HACD3: variants seen among roughly 807,000 people sequenced by gnomAD.
The protein encoded by HACD3 is very-long-chain (3R)-3-hydroxyacyl-CoA dehydratase 3.
A neutral mutation model predicts 55.2 loss-of-function variants in HACD3; 30 were observed. The ratio of observed to expected loss-of-function variants is 0.54; its 90% confidence interval spans 0.41 to 0.74. The LOEUF (loss-of-function observed/expected upper bound fraction) is 0.74, where lower values mean the gene tolerates loss of function less well. Ranked by LOEUF, HACD3 falls within the 30% of genes least tolerant of loss-of-function variation. The pLI, the probability that HACD3 is intolerant of heterozygous loss-of-function variation, is 0.00. For missense variants in HACD3, 363 were observed against 440.1 expected, an observed-to-expected ratio of 0.82 and a Z score of 1.57; for synonymous variants, 141 against 151.7, an observed-to-expected ratio of 0.93 and a Z score of 0.52.
At chr15:65,551,241 T>A (rs2072129332) in intron 1 of HACD3, 1 of 162,000 alleles carries the variant, frequency 6.2e-6, no homozygotes, top group Non-Finnish European at 1.3e-5. Flanking sequence ...TTACCACCCT[T>A]TTCGTCTTGA....
intron 2 of HACD3, chr15:65,553,288 A>T (rs957348480): frequency 2.6e-5 from 4 of 151,790 alleles, no homozygotes; most frequent in Admixed American, 2.0e-4. Context: ...TGGCTCCCTG[A>T]TACTAGATTA....
intron 8 of HACD3, among the ~76,000 whole-genome samples, 158 bp downstream of exon 8, chr15:65,570,361 G>A (rs529512442): frequency 6.6e-6 from 1 of 152,338 alleles, no homozygotes; most frequent in African/African-American, 2.4e-5. Flanking sequence ...CTGCAAAGTT[G>A]AGACAGATTT....
chr15:65,569,459 C>T (rs1206303354), intron 7 of HACD3, among the ~76,000 whole-genome samples: 1 of 152,052 alleles, frequency 6.6e-6, no homozygotes, highest in African/African-American at 2.4e-5. Flanking sequence ...CCTATAATCC[C>T]AGCACTCTGG....
intron 1 of HACD3, among the ~76,000 whole-genome samples, chr15:65,547,244 G>A (rs1256030878): frequency 6.6e-6 from 1 of 152,086 alleles, no homozygotes; most frequent in East Asian, 1.9e-4. Flanking sequence ...AGCCTCTTGA[G>A]TAGCTGGGAT....
chr15:65,577,442 C>T lies in HACD3; in HGVS notation c.*1063C>T, dbSNP rs2072415940. 6.6e-6 allele frequency: 1 copy of T among 150,706 alleles called. No homozygotes were observed. 9.3% of individuals were successfully genotyped at this position (150,706 alleles called of 1,614,324 possible). A position where few individuals can be genotyped will look rare whatever the true frequency, so the allele number is the denominator to read the frequency against. On this transcript the variant is annotated 3_prime_UTR_variant, in exon 11 of 11. Coordinates refer to ENST00000261875, the MANE Select transcript of HACD3 (RefSeq NM_016395.4). Reference sequence around the variant, plus strand: ...CTGTCTCAAACCAAACCAAACCACACACACACAAACACACATACACACACA... The same window carrying T: ...CTGTCTCAAACCAAACCAAACCACATACACACAAACACACATACACACACA...
chr15:65,549,338 A>G (rs1391135268), intron 1 of HACD3, among the ~76,000 whole-genome samples: 1 of 150,998 alleles, frequency 6.6e-6, no homozygotes, highest in African/African-American at 2.4e-5. Context: ...CTGTAGTCCC[A>G]GCACTTTGGG....
intron 2 of HACD3, chr15:65,551,930 T>G: frequency 4.1e-6 from 2 of 489,724 alleles, no homozygotes; most frequent in South Asian, 3.4e-5. Flanking sequence ...GGAGAGGCAG[T>G]AGATACAGTG....
intron 2 of HACD3, among the ~76,000 whole-genome samples, chr15:65,552,596 G>A (rs1248969638): frequency 1.3e-5 from 2 of 151,932 alleles, no homozygotes; most frequent in African/African-American, 4.8e-5. Flanking sequence ...TCGGCCTCTC[G>A]AAGTGCTGGG....
intron 10 of HACD3, among the ~76,000 whole-genome samples, chr15:65,573,111 C>T (rs1265575821): frequency 1.3e-5 from 2 of 151,926 alleles, no homozygotes; most frequent in Non-Finnish European, 2.9e-5. Context: ...CAAGGGTTGT[C>T]ATAAAGCCTT....
chr15:65,556,924 C>G, intron 4 of HACD3, 21 bp downstream of exon 4: 1 of 1,598,226 alleles, frequency 6.3e-7, no homozygotes, highest in South Asian at 1.1e-5. Flanking sequence ...ATCCTAGGAT[C>G]TAGCCATTGA....
intron 6 of HACD3, 51 bp downstream of exon 6, chr15:65,562,935 A>T: frequency 6.3e-7 from 1 of 1,596,498 alleles, no homozygotes; most frequent in Non-Finnish European, 8.5e-7. Flanking sequence ...AGTTTGGCCC[A>T]GTATTCACCA....
chr15:65,569,394 A>G (rs533751625), intron 7 of HACD3, among the ~76,000 whole-genome samples: 25 of 152,240 alleles, frequency 1.6e-4, no homozygotes, highest in Non-Finnish European at 2.8e-4. Flanking sequence ...TCAGGAATAC[A>G]TACACAAGCA....
intron 2 of HACD3, among the ~76,000 whole-genome samples, chr15:65,554,083 C>T (rs1322143474): frequency 6.6e-6 from 1 of 152,212 alleles, no homozygotes; most frequent in Admixed American, 6.5e-5. Flanking sequence ...TTCATTCTCT[C>T]TCCCTGGTTG....
In HACD3 at chr15:65,577,413, G is replaced by A. The variant is rs2053252615; in HGVS notation, c.*1034G>A. On this transcript the variant is annotated 3_prime_UTR_variant, in exon 11 of 11. Transcript: ENST00000261875. Reference sequence around the variant, plus strand: ...CACTGCAGCTGGGGTGACAGTGCAAGACCCTGTCTCAAACCAAACCAAACC... The same window carrying A: ...CACTGCAGCTGGGGTGACAGTGCAAAACCCTGTCTCAAACCAAACCAAACC... The A allele has an allele frequency of 6.6e-6, 1 of 152,352 alleles. No homozygotes were observed. The highest frequency in any genetic ancestry group is 1.5e-5 in the Non-Finnish European group (1 of 68,330). The allele number at this position is 152,352 out of a possible 1,614,324, so 9.4% of individuals were successfully genotyped here. A position where few individuals can be genotyped will look rare whatever the true frequency, so the allele number is the denominator to read the frequency against.
intron 5 of HACD3, among the ~76,000 whole-genome samples, chr15:65,562,508 T>C (rs2072253404): frequency 6.6e-6 from 1 of 152,160 alleles, no homozygotes; most frequent in Non-Finnish European, 1.5e-5. Context: ...TATTTTTTTC[T>C]TGGGTTTGTT....
chr15:65,533,820 G>C (rs1459514638), intron 1 of HACD3, among the ~76,000 whole-genome samples: 1 of 151,724 alleles, frequency 6.6e-6, no homozygotes. Flanking sequence ...GGGAGGCCGA[G>C]ACGGGCGGAT....
intron 5 of HACD3, 139 bp downstream of exon 5, chr15:65,558,870 T>G (rs2072219338): frequency 1.0e-6 from 1 of 959,848 alleles, no homozygotes; most frequent in African/African-American, 1.6e-5. Flanking sequence ...AGCTTTTAGG[T>G]CCAGTGCTTA....
intron 3 of HACD3, 134 bp from the exon 4 acceptor site, chr15:65,556,605 T>C: frequency 1.1e-6 from 1 of 931,812 alleles, no homozygotes; most frequent in Non-Finnish European, 1.5e-6. Flanking sequence ...ATGTTCCCTT[T>C]GCATCAGGAC....
intron 1 of HACD3, among the ~76,000 whole-genome samples, chr15:65,540,472 G>A (rs1238205880): frequency 6.6e-6 from 1 of 152,214 alleles, no homozygotes; most frequent in Non-Finnish European, 1.5e-5. Context: ...CCTTGAAGAG[G>A]TGATATTCTA....
Sources: gnomAD v4.1 joint callset for allele counts (sites outside exome capture counted in the v4.1 genomes callset) on GRCh38, gnomAD v4.1.1 for gene constraint, MANE v1.5 for transcripts, NCBI Gene and HGNC (gene_info 2026-07-23, HGNC 2026-07-21) for gene names.